KLHL32: variants seen among roughly 807,000 people sequenced by gnomAD.
The protein encoded by KLHL32 is kelch like family member 32, also known as kelch-like protein 32.
KLHL32 carries 35 observed loss-of-function variants against 64.8 expected under a neutral mutation model. That is an observed-to-expected ratio of 0.54 (90% CI 0.41 to 0.72). KLHL32 has a LOEUF of 0.72. KLHL32 is among the 30% of genes least tolerant of loss of function. The pLI is 0.00. For synonymous variants in KLHL32, 259 were observed against 281.0 expected, an observed-to-expected ratio of 0.92 and a Z score of 0.78; for missense variants, 589 against 768.5, an observed-to-expected ratio of 0.77 and a Z score of 2.76.
chr6:96,976,827 G>A (rs918813807), intron 3 of KLHL32, among the ~76,000 whole-genome samples: 1 of 152,080 alleles, frequency 6.6e-6, no homozygotes, highest in African/African-American at 2.4e-5. Context: ...TCGAACTCCT[G>A]ACCTCAAGTA....
chr6:97,043,376 T>C (rs904531992), intron 4 of KLHL32, among the ~76,000 whole-genome samples: 1 of 152,210 alleles, frequency 6.6e-6, no homozygotes, highest in Non-Finnish European at 1.5e-5. Flanking sequence ...AGTTCATCCA[T>C]GTCATTGCAA....
chr6:97,074,523 A>T (rs1791278758), intron 5 of KLHL32, among the ~76,000 whole-genome samples: 1 of 152,166 alleles, frequency 6.6e-6, no homozygotes, highest in South Asian at 2.1e-4. Flanking sequence ...CAAATCTGAA[A>T]CAAACAAACA....
rs1784912501 is a variant in KLHL32 at position 97,040,199 on chromosome 6, T to C, written c.205-1293T>C. On this transcript the variant is annotated intron_variant, in intron 3 of 10. Transcript: ENST00000369261. ...CTATAAAGTTAGCTAAACTGCAGAA[T>C]CTCAGGGAACAGTTCCCACAAAACT... 2.0e-5 allele frequency among the ~76,000 whole-genome samples: 3 copies of C among 152,118 alleles called. No homozygotes were observed. In the South Asian group the frequency reaches 6.2e-4, roughly 32 times the overall value.
intron 3 of KLHL32, among the ~76,000 whole-genome samples, chr6:96,996,347 G>A (rs1040155995): frequency 6.6e-6 from 1 of 152,050 alleles, no homozygotes; most frequent in African/African-American, 2.4e-5. Context: ...GTAATTTTTA[G>A]AATTGAGAAA....
At chr6:96,986,087 A>C (rs997823373) in intron 3 of KLHL32, among the ~76,000 whole-genome samples, 1 of 152,110 alleles carries the variant, frequency 6.6e-6, no homozygotes, top group African/African-American at 2.4e-5. Flanking sequence ...TTTTCCTTCT[A>C]ACAGTCAGGA....
chr6:96,988,465 A>G (rs1777404528), intron 3 of KLHL32, among the ~76,000 whole-genome samples: 1 of 152,118 alleles, frequency 6.6e-6, no homozygotes, highest in South Asian at 2.1e-4. Context: ...CAGGTGCTGG[A>G]GAGGATGTGG....
intron 3 of KLHL32, among the ~76,000 whole-genome samples, chr6:96,993,247 A>G (rs1778085559): frequency 6.6e-6 from 1 of 152,172 alleles, no homozygotes; most frequent in African/African-American, 2.4e-5. Context: ...AGCTCAGCTG[A>G]TCTCTACTGG....
At chr6:96,943,323 T>C (rs1467714136) in intron 1 of KLHL32, among the ~76,000 whole-genome samples, 2 of 152,052 alleles carry the variant, frequency 1.3e-5, no homozygotes, top group African/African-American at 4.8e-5. Context: ...GTTGGTCTCT[T>C]GGTGTCATTC....
intron 7 of KLHL32, among the ~76,000 whole-genome samples, chr6:97,123,680 T>G (rs1798595839): frequency 6.6e-6 from 1 of 152,204 alleles, no homozygotes; most frequent in Non-Finnish European, 1.5e-5. Context: ...GCTGTTAAGA[T>G]GCAGATTATC....
chr6:97,007,798 G>A (rs954906114), intron 3 of KLHL32, among the ~76,000 whole-genome samples: 4 of 152,172 alleles, frequency 2.6e-5, no homozygotes, highest in African/African-American at 9.7e-5. Context: ...ACTCTGGGGG[G>A]CTGGCAGTGG....
chr6:96,921,283 C>T (rs1768747029), upstream of KLHL32, among the ~76,000 whole-genome samples: 1 of 152,164 alleles, frequency 6.6e-6, no homozygotes, highest in South Asian at 2.1e-4. Context: ...AGACTGAAAA[C>T]AACAACAGCA....
At chr6:96,912,419 A>G in the KLHL32 span, among the ~76,000 whole-genome samples, 24 of 152,236 alleles carry the variant, frequency 1.6e-4, 1 homozygote, top group South Asian at 3.5e-3. Context: ...TCTTTAGTCA[A>G]TAAGTTTCCT....
chr6:96,967,478 G>T (rs190679990), intron 2 of KLHL32, among the ~76,000 whole-genome samples: 11 of 150,868 alleles, frequency 7.3e-5, no homozygotes, highest in African/African-American at 2.4e-4. Context: ...TATATATAGA[G>T]AGAGAGATAG....
At chr6:96,943,194 A>G (rs1200919780) in intron 1 of KLHL32, among the ~76,000 whole-genome samples, 2 of 152,042 alleles carry the variant, frequency 1.3e-5, no homozygotes, top group African/African-American at 4.8e-5. Flanking sequence ...ACACACATAC[A>G]TTCTAACCAC....
intron 5 of KLHL32, among the ~76,000 whole-genome samples, chr6:97,071,248 G>A (rs1009874102): frequency 9.9e-5 from 15 of 152,064 alleles, no homozygotes; most frequent in Middle Eastern, 3.4e-3. Context: ...TCCAACAAAG[G>A]TCACCAAAGC....
At chr6:97,041,467 G>T in intron 3 of KLHL32, 25 bp from the exon 4 acceptor site, 1 of 1,516,360 alleles carries the variant, frequency 6.6e-7, no homozygotes, top group Non-Finnish European at 9.2e-7. Context: ...TCTCATAACT[G>T]TCTTTCTCCC....
At chr6:97,060,875 C>T (rs191242236) in intron 4 of KLHL32, among the ~76,000 whole-genome samples, 133 of 152,192 alleles carry the variant, frequency 8.7e-4, no homozygotes, top group Non-Finnish European at 6.5e-4. Context: ...AGCCACTGGT[C>T]GGTTCTTATC....
chr6:96,946,606 G>T (rs766723474), intron 1 of KLHL32, among the ~76,000 whole-genome samples: 27 of 152,186 alleles, frequency 1.8e-4, no homozygotes, highest in Non-Finnish European at 3.1e-4. Context: ...CAAGGGCCTG[G>T]ATAATTATTT....
intron 4 of KLHL32, among the ~76,000 whole-genome samples, chr6:97,047,252 C>A (rs1239479878): frequency 3.9e-5 from 6 of 152,248 alleles, no homozygotes; most frequent in Admixed American, 3.9e-4. Flanking sequence ...AGCATTCACT[C>A]TGCCTTTGCA....
Sources: gnomAD v4.1 joint callset for allele counts (sites outside exome capture counted in the v4.1 genomes callset) on GRCh38, gnomAD v4.1.1 for gene constraint, MANE v1.5 for transcripts, NCBI Gene and HGNC (gene_info 2026-07-23, HGNC 2026-07-21) for gene names.